DCC: variants seen among roughly 807,000 people sequenced by gnomAD.
DCC encodes netrin receptor DCC.
In DCC, 58 loss-of-function variants were observed where a neutral mutation model predicts 172.5. The observed-to-expected ratio is 0.34, with a 90% CI of 0.27 to 0.42. The LOEUF is 0.42. Among genes scored for constraint, DCC ranks in the 10% least tolerant of loss-of-function variants. The pLI, the probability that DCC is intolerant of heterozygous loss-of-function variation, is 1.00. For synonymous variants in DCC, 709 were observed against 644.5 expected (o/e 1.10, Z -1.52); for missense variants, 1,740 against 1,791.0 (o/e 0.97, Z 0.51).
chr18:53,375,519 GATTT>G (rs2058100926), intron 15 of DCC, among the ~76,000 whole-genome samples: 1 of 151,226 alleles, frequency 6.6e-6, no homozygotes, highest in African/African-American at 2.4e-5. Context: ...TTAAAATAAT[GATTT>G]GTTTGCTTGA....
At chr18:52,501,022 T>C (rs545564293) in intron 1 of DCC, among the ~76,000 whole-genome samples, 2 of 152,264 alleles carry the variant, frequency 1.3e-5, no homozygotes, top group South Asian at 4.1e-4. Flanking sequence ...TATAGTAGTA[T>C]CCACTGGTTA....
chr18:52,669,774 G>C (rs753218798), intron 1 of DCC, among the ~76,000 whole-genome samples: 3 of 152,164 alleles, frequency 2.0e-5, no homozygotes, highest in Non-Finnish European at 2.9e-5. Flanking sequence ...GGGGGTTACT[G>C]TTCTAGTCCA....
chr18:53,207,590 A>C, intron 10 of DCC, 89 bp from the exon 11 acceptor site: 1 of 1,224,634 alleles, frequency 8.2e-7, no homozygotes, highest in Non-Finnish European at 1.2e-6. Context: ...GTAAGAGTCT[A>C]ATGTCCAATT....
At chr18:53,482,957 G>A (rs2045853261) in intron 25 of DCC, among the ~76,000 whole-genome samples, 1 of 151,790 alleles carries the variant, frequency 6.6e-6, no homozygotes, top group South Asian at 2.1e-4. Flanking sequence ...CCCCAGGAGA[G>A]TAAATCATAT....
chr18:52,457,156 A>G lies in DCC; in HGVS notation c.91+116278A>G, dbSNP rs189193469. On this transcript the variant is annotated intron_variant, in intron 1 of 28. Coordinates refer to ENST00000442544, the MANE Select transcript of DCC (RefSeq NM_005215.4). ...AACTGTGCTTTTAAAAAATTCATCA[A>G]TGAAATCTTTGATTTTGAAATGAGG... Among the ~76,000 whole-genome samples, 20 of 152,290 alleles carry G rather than the reference A, an allele frequency of 1.3e-4. 1 individual carries two copies. Among genetic ancestry groups the G allele is most frequent in the Admixed American group, 2.0e-4 (3 of 15,292 alleles).
At chr18:52,620,247 G>A (rs530751055) in intron 1 of DCC, among the ~76,000 whole-genome samples, 3 of 152,194 alleles carry the variant, frequency 2.0e-5, no homozygotes, top group African/African-American at 7.2e-5. Flanking sequence ...AAGGGAGGAG[G>A]TTGGACAGTT....
intron 8 of DCC, among the ~76,000 whole-genome samples, chr18:53,168,110 T>A (rs547665411): frequency 6.6e-6 from 1 of 152,300 alleles, no homozygotes; most frequent in Non-Finnish European, 1.5e-5. Context: ...TTTTACACTG[T>A]TGGTGGGAGT....
At chr18:53,046,036 G>C (rs2042233382) in intron 5 of DCC, among the ~76,000 whole-genome samples, 1 of 151,816 alleles carries the variant, frequency 6.6e-6, no homozygotes, top group African/African-American at 2.4e-5. Flanking sequence ...TTATAAAGCA[G>C]TGAAATTACT....
intron 1 of DCC, among the ~76,000 whole-genome samples, chr18:52,476,657 G>A (rs1598848661): frequency 6.6e-6 from 1 of 152,076 alleles, no homozygotes; most frequent in South Asian, 2.1e-4. Context: ...ATTTTAGTCC[G>A]GGGTCTGGTT....
chr18:52,800,623 T>C (rs1365739305), intron 2 of DCC, among the ~76,000 whole-genome samples: 1 of 152,042 alleles, frequency 6.6e-6, no homozygotes, highest in African/African-American at 2.4e-5. Flanking sequence ...GATAGCATTT[T>C]CAACACCAAA....
intron 1 of DCC, among the ~76,000 whole-genome samples, chr18:52,493,178 C>T (rs951280582): frequency 6.6e-6 from 1 of 151,988 alleles, no homozygotes; most frequent in African/African-American, 2.4e-5. Context: ...AGGATGTGTA[C>T]ATTTTCCAGG....
chr18:52,531,478 C>A (rs534818703), intron 1 of DCC, among the ~76,000 whole-genome samples: 2 of 152,220 alleles, frequency 1.3e-5, no homozygotes, highest in South Asian at 4.2e-4. Context: ...GCAATATATT[C>A]ATTACAGTAT....
At chr18:53,137,985 G>T (rs2043771060) in intron 7 of DCC, among the ~76,000 whole-genome samples, 1 of 147,656 alleles carries the variant, frequency 6.8e-6, no homozygotes, top group African/African-American at 2.5e-5. Flanking sequence ...CCTGCTAACT[G>T]TTTTTTTTTT....
chr18:53,004,000 TCAC>T (rs2041607455), intron 5 of DCC, among the ~76,000 whole-genome samples: 1 of 152,218 alleles, frequency 6.6e-6, no homozygotes, highest in Non-Finnish European at 1.5e-5. Context: ...ACTCAGCTAT[TCAC>T]CACTACTTGG....
intron 7 of DCC, among the ~76,000 whole-genome samples, chr18:53,087,927 A>G (rs1415092328): frequency 6.6e-6 from 1 of 151,710 alleles, no homozygotes; most frequent in East Asian, 1.9e-4. Context: ...ATGCGACGTT[A>G]TTTCTGAGGC....
intron 1 of DCC, among the ~76,000 whole-genome samples, chr18:52,660,105 A>G (rs971626817): frequency 6.6e-6 from 1 of 152,132 alleles, no homozygotes; most frequent in African/African-American, 2.4e-5. Context: ...TCTCACTTCA[A>G]TGTTCTTTCT....
chr18:53,524,464 T>C (rs2046433009), intron 27 of DCC, among the ~76,000 whole-genome samples: 1 of 152,106 alleles, frequency 6.6e-6, no homozygotes, highest in African/African-American at 2.4e-5. Context: ...TGTACTATTT[T>C]CACAGGGCTT....
At chr18:53,315,764 T>C (rs572964379) in intron 13 of DCC, among the ~76,000 whole-genome samples, 11 of 152,296 alleles carry the variant, frequency 7.2e-5, no homozygotes, top group African/African-American at 2.6e-4. Context: ...TGTCTTCTTT[T>C]GTAGTAGTAT....
At chr18:52,436,519 C>A (rs892348359) in intron 1 of DCC, among the ~76,000 whole-genome samples, 15 of 152,216 alleles carry the variant, frequency 9.9e-5, no homozygotes, top group African/African-American at 3.4e-4. Flanking sequence ...TATCTCGGAC[C>A]TACCAACTTA....
Sources: allele counts gnomAD v4.1 joint callset (sites outside exome capture counted in the v4.1 genomes callset), GRCh38; gene constraint gnomAD v4.1.1; transcripts MANE v1.5; gene names NCBI Gene and HGNC (gene_info 2026-07-23, HGNC 2026-07-21).